The following TRIM39 variants were observed in gnomAD, a reference collection of about 807,000 sequenced individuals.
TRIM39 encodes E3 ubiquitin-protein ligase TRIM39.
Under a neutral mutation model 53.6 loss-of-function variants are expected in TRIM39, and 5 were observed. The observed-to-expected ratio is 0.09, with a 90% CI of 0.05 to 0.20. TRIM39 has a LOEUF of 0.20. Ranked by LOEUF, TRIM39 falls within the 10% of genes least tolerant of loss-of-function variation. TRIM39 has a pLI of 1.00. For missense variants in TRIM39, 310 were observed against 621.0 expected (o/e 0.50, Z 5.32); for synonymous variants, 196 against 237.6 (o/e 0.82, Z 1.61).
chr6:30,341,840 C>G, exon 8 of TRIM39: 1 of 1,612,988 alleles, frequency 6.2e-7, no homozygotes, highest in Non-Finnish European at 8.5e-7. Context: ...CACCTTCTAC[C>G]CTTGCGTCCT....
chr6:30,340,706 C>T (rs1440321577), intron 7 of TRIM39, 86 bp downstream of exon 7: 2 of 1,376,436 alleles, frequency 1.5e-6, no homozygotes, highest in African/African-American at 1.5e-5. Flanking sequence ...TTCAGTTATC[C>T]TATGTCTCAC....
At chr6:30,331,640 TAAAACTC>T (rs536949847) in intron 4 of TRIM39, among the ~76,000 whole-genome samples, 25 of 152,158 alleles carry the variant, frequency 1.6e-4, no homozygotes, top group Non-Finnish European at 3.4e-4. Context: ...ACCACATTCT[TAAAACTC>T]AAGTAAGCTT....
rs764041846 is a variant in TRIM39, at chr6:30,329,818, G to A, written c.453+48G>A. The A allele has an allele frequency of 6.4e-5, 101 of 1,580,724 alleles. 1 individual carries two copies. Among genetic ancestry groups the A allele is most frequent in the East Asian group, 3.6e-4 (16 of 44,616 alleles). ...TCAGTGTGGGTAAAAAGGGAGAAGC[G>A]GCAGAGGATGAGATACTCCCTAGGT... On this transcript the variant is annotated intron_variant, in intron 3 of 7. Coordinates refer to ENST00000396551, the Ensembl canonical transcript of TRIM39.
chr6:30,342,321 G>T lies in TRIM39; in HGVS notation c.*62G>T. On this transcript the variant is annotated 3_prime_UTR_variant, in exon 8 of 8. Transcript: ENST00000396551. This position sits in a 1 kb window ranked among gnomAD's most constrained non-coding sequence, Gnocchi z 4.7. The stretch of plus-strand genomic sequence containing the variant: ...GTCAAGTGCTACGGGCCTCCTTCCC[G>T]TGTCCTGCTGGAACGTCTTCGTGTC... 1 of 1,548,156 alleles carries T rather than the reference G, an allele frequency of 6.5e-7. No homozygotes were observed. Among genetic ancestry groups the T allele is most frequent in the African/African-American group, 1.4e-5 (1 of 73,884 alleles).
Position 30,339,141 on chromosome 6 carries a change from T to C in TRIM39, c.781-767T>C, listed in dbSNP as rs1787195643. ...ATCAGTATTAGCACACAGTTATTAA[T>C]GTGTTTATTCTTCCTTTTTTTTTTT... is the stretch of plus-strand genomic sequence containing the variant. On this transcript the variant is annotated intron_variant, in intron 5 of 7. Transcript: ENST00000396551. The surrounding 1 kb of genome is among the most constrained non-coding windows in gnomAD (Gnocchi z 4.2). 6.6e-6 allele frequency among the ~76,000 whole-genome samples: 1 copy of C among 152,022 alleles called. No individual in the cohort carries two copies. Among genetic ancestry groups the C allele is most frequent in the South Asian group, 2.1e-4 (1 of 4,824 alleles).
rs1278120806 is a variant in TRIM39 at position 30,338,196 on chromosome 6, C to T, written c.781-1712C>T. Among the ~76,000 whole-genome samples, 1 of 151,294 alleles carries T rather than the reference C, an allele frequency of 6.6e-6. No homozygotes were observed. On this transcript the variant is annotated intron_variant, in intron 5 of 7. Transcript: ENST00000396551. This position sits in a 1 kb window ranked among gnomAD's most constrained non-coding sequence, Gnocchi z 4.0. ...CATTCATGTGTTCACTGGAGTAGCA[C>T]TTTTAATTTTCTTCAATAACTTTTC...
chr6:30,337,898 G>T (rs961392530), intron 5 of TRIM39, among the ~76,000 whole-genome samples: 1 of 152,226 alleles, frequency 6.6e-6, no homozygotes, highest in African/African-American at 2.4e-5. Flanking sequence ...ATCTTGGCAA[G>T]ATCTTCTGGA....
At chr6:30,330,355 CAA>C (rs924865438) in intron 3 of TRIM39, among the ~76,000 whole-genome samples, 4 of 152,164 alleles carry the variant, frequency 2.6e-5, no homozygotes, top group African/African-American at 7.2e-5. Flanking sequence ...CTCTTGAAAA[CAA>C]GATTTCAGGT....
At chr6:30,341,522 G>A in intron 7 of TRIM39, 190 bp from the exon 8 acceptor site, 1 of 867,532 alleles carries the variant, frequency 1.2e-6, no homozygotes, top group Admixed American at 2.0e-5. Context: ...TTTAGGGTCA[G>A]GGTGAGAAGT....
intron 1 of TRIM39, among the ~76,000 whole-genome samples, chr6:30,328,117 A>G (rs1020390507): frequency 6.6e-6 from 1 of 152,196 alleles, no homozygotes; most frequent in African/African-American, 2.4e-5. Context: ...TGCATTTCCA[A>G]TTCTTCTGAG....
intron 5 of TRIM39, among the ~76,000 whole-genome samples, chr6:30,336,319 G>A (rs750069795): frequency 4.3e-4 from 65 of 152,184 alleles, no homozygotes; most frequent in Non-Finnish European, 8.2e-4. Flanking sequence ...CCTGAAATTT[G>A]ATTTATGTAC....
At chr6:30,334,000 AAC>A (rs149092381) in intron 4 of TRIM39, among the ~76,000 whole-genome samples, 25 of 152,146 alleles carry the variant, frequency 1.6e-4, no homozygotes, top group Non-Finnish European at 2.6e-4. Context: ...CACATGTGCA[AAC>A]ACACACACAC....
chr6:30,336,109 C>T, intron 5 of TRIM39, 134 bp downstream of exon 5: 2 of 1,352,602 alleles, frequency 1.5e-6, no homozygotes, highest in Non-Finnish European at 1.0e-6. Context: ...CAGGTGTACT[C>T]AAAGGGTCTT....
chr6:30,328,683 A>G (rs1321453560), intron 1 of TRIM39, among the ~76,000 whole-genome samples: 2 of 151,680 alleles, frequency 1.3e-5, no homozygotes, highest in Non-Finnish European at 2.9e-5. Flanking sequence ...GTGTCAATGT[A>G]TTTTATGTCT....
intron 7 of TRIM39, chr6:30,341,355 T>C (rs1562424737): frequency 1.7e-6 from 1 of 579,016 alleles, no homozygotes; most frequent in Admixed American, 2.2e-5. Flanking sequence ...CTCGGCATCC[T>C]TCTTAACACT....
Position 30,335,992 on chromosome 6 carries a change from T to C in TRIM39, c.780+17T>C, listed in dbSNP as rs776486407. The C allele has an allele frequency of 4.0e-5, 65 of 1,612,600 alleles. No individual in the cohort carries two copies. The highest frequency in any genetic ancestry group is 3.3e-4 in the Middle Eastern group (2 of 6,082). ...ATGCTTAAGGTTCGACCTTTGCCCC[T>C]GCATAGCCCCTCAGGCTGAGTGCAG... On this transcript the variant is annotated intron_variant, in intron 5 of 7. Transcript: ENST00000396551. This position sits in a 1 kb window ranked among gnomAD's most constrained non-coding sequence, Gnocchi z 4.7.
chr6:30,343,256 A>G (rs1042946799), exon 8 of TRIM39: 4 of 152,592 alleles, frequency 2.6e-5, no homozygotes, highest in Non-Finnish European at 5.9e-5. Context: ...AAGGTTATGG[A>G]GTCTTTCTCA....
intron 4 of TRIM39, among the ~76,000 whole-genome samples, chr6:30,331,722 G>A (rs1011722436): frequency 2.6e-5 from 4 of 152,130 alleles, no homozygotes; most frequent in Non-Finnish European, 5.9e-5. Flanking sequence ...TCTCTCAGGC[G>A]GGATGAAAGC....
At position 30,342,408 on chromosome 6, in the gene TRIM39, T is replaced by A; in HGVS notation, c.*149T>A. The A allele has an allele frequency of 1.2e-6, 1 of 807,096 alleles. No homozygotes were observed. Among genetic ancestry groups the A allele is most frequent in the Non-Finnish European group, 2.0e-6 (1 of 512,356 alleles). 50.0% of individuals were successfully genotyped at this position (807,096 alleles called of 1,614,324 possible). ...CCTTGGTTTCTAGGATGGTTTTGTGTGGAGGGGGAGGTAGGACTGGGCTGG... is the reference window on the plus strand; with the variant it reads ...CCTTGGTTTCTAGGATGGTTTTGTGAGGAGGGGGAGGTAGGACTGGGCTGG... On this transcript the variant is annotated 3_prime_UTR_variant, in exon 8 of 8. Transcript: ENST00000396551. The surrounding 1 kb of genome is among the most constrained non-coding windows in gnomAD (Gnocchi z 4.7).
Sources: gnomAD v4.1 joint callset for allele counts (sites outside exome capture counted in the v4.1 genomes callset) on GRCh38, gnomAD v4.1.1 for gene constraint, Gnocchi (gnomAD v3.1) non-coding constraint, MANE v1.5 for transcripts, NCBI Gene and HGNC (gene_info 2026-07-23, HGNC 2026-07-21) for gene names.